The following NSD2 variants were observed in gnomAD, a reference collection of about 807,000 sequenced individuals.
The protein encoded by NSD2 is nuclear receptor binding SET domain protein 2, also known as histone-lysine N-methyltransferase NSD2.
Under a neutral mutation model 139.0 loss-of-function variants are expected in NSD2, and 12 were observed. That is an observed-to-expected ratio of 0.09 (90% CI 0.06 to 0.14). The LOEUF (loss-of-function observed/expected upper bound fraction) is 0.14. Among genes scored for constraint, NSD2 ranks in the 10% least tolerant of loss-of-function variants. The pLI, the probability that NSD2 is intolerant of heterozygous loss-of-function variation, is 1.00. For missense variants in NSD2, 1,155 were observed against 1,745.0 expected, an observed-to-expected ratio of 0.66 and a Z score of 6.02; for synonymous variants, 669 against 648.7, an observed-to-expected ratio of 1.03 and a Z score of -0.48.
At chr4:1,895,076 T>G (rs1157942848) in intron 1 of NSD2, among the ~76,000 whole-genome samples, 1 of 152,220 alleles carries the variant, frequency 6.6e-6, no homozygotes, top group Non-Finnish European at 1.5e-5. Context: ...TAGCATAGTT[T>G]CTTCAAGATT....
At chr4:1,881,651 C>T (rs1489787514) in intron 1 of NSD2, among the ~76,000 whole-genome samples, 3 of 152,196 alleles carry the variant, frequency 2.0e-5, no homozygotes, top group Admixed American at 6.5e-5. Context: ...TCTGCCTGCA[C>T]CTCCCAAAGT....
chr4:1,903,431 A>T (rs1717456061), intron 2 of NSD2, among the ~76,000 whole-genome samples: 2 of 152,160 alleles, frequency 1.3e-5, no homozygotes, highest in African/African-American at 4.8e-5. Context: ...ATTACATGTG[A>T]TGGAGCCGAG....
intron 1 of NSD2, among the ~76,000 whole-genome samples, chr4:1,882,525 G>C (rs1476980822): frequency 1.3e-5 from 2 of 152,234 alleles, no homozygotes; most frequent in Admixed American, 1.3e-4. Flanking sequence ...TTATCTGGGC[G>C]TGGTGGCGGG....
chr4:1,978,457 AG>A (rs1311197707), intron 21 of NSD2, among the ~76,000 whole-genome samples, 180 bp from the exon 22 acceptor site: 1 of 152,190 alleles, frequency 6.6e-6, no homozygotes, highest in Non-Finnish European at 1.5e-5. Context: ...TGGAGTCAAC[AG>A]GCCCTGCCAG....
intron 1 of NSD2, among the ~76,000 whole-genome samples, chr4:1,893,470 A>G (rs1326983994): frequency 6.6e-6 from 1 of 152,202 alleles, no homozygotes; most frequent in Non-Finnish European, 1.5e-5. Context: ...CTCCGTTTCA[A>G]TAAAAAAATA....
chr4:1,887,326 C>CT (rs953314804), intron 1 of NSD2, among the ~76,000 whole-genome samples: 62 of 151,562 alleles, frequency 4.1e-4, no homozygotes, highest in African/African-American at 1.4e-3. Context: ...ACATGTTCTT[C>CT]TTTTTTTTTA....
At chr4:1,917,641 T>C (rs1239818346) in intron 4 of NSD2, among the ~76,000 whole-genome samples, 1 of 152,128 alleles carries the variant, frequency 6.6e-6, no homozygotes, top group Non-Finnish European at 1.5e-5. Flanking sequence ...TTCACCAGGT[T>C]GGCCAGACTG....
At chr4:1,909,679 C>T (rs766302782) in intron 3 of NSD2, among the ~76,000 whole-genome samples, 7 of 151,676 alleles carry the variant, frequency 4.6e-5, no homozygotes, top group South Asian at 2.1e-4. Flanking sequence ...CTTGCTCACT[C>T]GTCCAGGCTG....
At chr4:1,887,386 T>A (rs920344119) in intron 1 of NSD2, 2 of 152,198 alleles carry the variant, frequency 1.3e-5, no homozygotes, top group Non-Finnish European at 2.9e-5. Flanking sequence ...CATGTTTTGT[T>A]GGTAAAAACA....
chr4:1,889,487 G>A (rs902105829), intron 1 of NSD2, among the ~76,000 whole-genome samples: 3 of 151,674 alleles, frequency 2.0e-5, no homozygotes, highest in East Asian at 1.9e-4. Flanking sequence ...GAGGCACCAC[G>A]CCCGGCCAAG....
intron 9 of NSD2, among the ~76,000 whole-genome samples, chr4:1,950,852 A>G (rs931391639): frequency 1.3e-5 from 2 of 152,248 alleles, no homozygotes; most frequent in African/African-American, 4.8e-5. Context: ...TAGGTAGAAT[A>G]AAGTCCGTTT....
At position 1,960,738 on chromosome 4, in the gene NSD2, G is replaced by A. The variant is rs543508454; in HGVS notation, c.3256-297G>A. Among the ~76,000 whole-genome samples the A allele has an allele frequency of 2.5e-4, 38 of 152,354 alleles. 1 individual carries two copies. In the East Asian group the frequency reaches 6.4e-3, roughly 25 times the overall value. Reference sequence around the variant, plus strand: ...TTGTGGGGATCACCGTGTAAAGTGGGTTATGTAGAAGCTTGGTTATCAGAC... The same window carrying A: ...TTGTGGGGATCACCGTGTAAAGTGGATTATGTAGAAGCTTGGTTATCAGAC... On this transcript the variant is annotated intron_variant, in intron 17 of 21. Transcript: ENST00000508803.
chr4:1,980,120 G>A lies in NSD2; in HGVS notation c.*1211G>A, dbSNP rs1727610100. 1 of 233,314 alleles carries A rather than the reference G, an allele frequency of 4.3e-6. No homozygotes were observed. The highest frequency in any genetic ancestry group is 1.8e-4 in the South Asian group (1 of 5,536). The allele number at this position is 233,314 out of a possible 1,614,324, so 14.5% of individuals were successfully genotyped here. ...CTGGGGGTGGAGGCCTGCCTGGCAG[G>A]TGTGCGTGCCTCGTACGTGTGTTAT... On this transcript the variant is annotated 3_prime_UTR_variant, in exon 22 of 22. Transcript: ENST00000508803.
rs956030141 is a variant in NSD2 at position 1,942,151 on chromosome 4, A to G, written c.1881+2373A>G. 1.5e-5 allele frequency: 20 copies of G among 1,297,288 alleles called. No individual in the cohort carries two copies. In the African/African-American group the frequency reaches 2.8e-4, roughly 18 times the overall value. The allele number at this position is 1,297,288 out of a possible 1,614,324, so 80.4% of individuals were successfully genotyped here. ...TTCTTGAAAAAGGTATATGTGATAA[A>G]TAAAAATTTTTATTGGAATAATTAT... On this transcript the variant is annotated intron_variant, in intron 9 of 21. Transcript: ENST00000508803. This position sits in a 1 kb window ranked among gnomAD's most constrained non-coding sequence, Gnocchi z 4.0.
intron 9 of NSD2, chr4:1,945,147 TTG>T (rs1302988595): frequency 1.3e-5 from 14 of 1,066,614 alleles, no homozygotes; most frequent in Non-Finnish European, 1.6e-5. Context: ...AGATCTGATT[TTG>T]TGTTTTTTGT....
chr4:1,872,589 TGTGAGAGA>T lies in NSD2; in HGVS notation c.-30+1049_-30+1056del, dbSNP rs1359164971. The stretch of plus-strand genomic sequence containing the variant: ...TTGTGTGTGTGTGTGTGTGTGTGTG[TGTGAGAGA>T]GAGAGAGAGAGAGAGAGAGAGAGAG... On this transcript the variant is annotated intron_variant, in intron 1 of 21. Coordinates refer to ENST00000508803, the MANE Select transcript of NSD2 (RefSeq NM_001042424.3). Among the ~76,000 whole-genome samples the T allele has an allele frequency of 2.6e-3, 117 of 44,420 alleles. No individual in the cohort carries two copies. The Middle Eastern group carries it at 0.028, about 11-fold the overall frequency. 29.1% of individuals were successfully genotyped at this position (44,420 alleles called of 152,430 possible).
At chr4:1,906,250 T>C (rs770989040) in intron 3 of NSD2, among the ~76,000 whole-genome samples, 10 of 152,198 alleles carry the variant, frequency 6.6e-5, no homozygotes, top group African/African-American at 1.4e-4. Context: ...TTTAATTTCT[T>C]TTTTTGGGGA....
intron 1 of NSD2, among the ~76,000 whole-genome samples, chr4:1,880,568 T>G (rs1714625570): frequency 6.7e-6 from 1 of 149,908 alleles, no homozygotes. Flanking sequence ...GGAGGGACAG[T>G]GAGCAAAGGT....
Position 1,971,697 on chromosome 4 carries a change from C to T in NSD2, c.3373-3166C>T, listed in dbSNP as rs537470473. On this transcript the variant is annotated intron_variant, in intron 18 of 21. Coordinates refer to ENST00000508803, the MANE Select transcript of NSD2 (RefSeq NM_001042424.3). ...GGGACCTGTGAGGGTGTGTGCCAGC[C>T]GGTGGGGTGCACCTGAAAAGCATGG... Among the ~76,000 whole-genome samples, 17 of 152,200 alleles carry T rather than the reference C, an allele frequency of 1.1e-4. 2 individuals carry two copies. In the East Asian group the frequency reaches 1.2e-3, roughly 10 times the overall value.
Sources: allele counts gnomAD v4.1 joint callset (sites outside exome capture counted in the v4.1 genomes callset), GRCh38; gene constraint gnomAD v4.1.1; non-coding constraint Gnocchi (gnomAD v3.1); transcripts MANE v1.5; gene names NCBI Gene and HGNC (gene_info 2026-07-23, HGNC 2026-07-21).